The following CRTC3 variants were observed in gnomAD, a reference collection of about 807,000 sequenced individuals.
CRTC3 encodes the protein CREB-regulated transcription coactivator 3.
CRTC3 carries 26 observed loss-of-function variants against 74.5 expected under a neutral mutation model. That is an observed-to-expected ratio of 0.35 (90% CI 0.26 to 0.48). The LOEUF is 0.48. Among genes scored for constraint, CRTC3 ranks in the 20% least tolerant of loss-of-function variants. The probability of loss-of-function intolerance (pLI) is 0.99; values close to 1 mark genes in which losing one functional copy is unlikely to be tolerated. For synonymous variants in CRTC3, 377 were observed against 325.8 expected, an observed-to-expected ratio of 1.16 and a Z score of -1.69; for missense variants, 760 against 787.3, an observed-to-expected ratio of 0.97 and a Z score of 0.41.
At chr15:90,535,712 GGAGA>G (rs929452803) in intron 1 of CRTC3, among the ~76,000 whole-genome samples, 3 of 152,158 alleles carry the variant, frequency 2.0e-5, no homozygotes, top group Non-Finnish European at 2.9e-5. Flanking sequence ...TCAGGATGGA[GGAGA>G]GAGAGAAGAT....
intron 2 of CRTC3, among the ~76,000 whole-genome samples, chr15:90,564,953 CCTTCCTTT>C (rs1429435627): frequency 6.1e-5 from 5 of 81,834 alleles, no homozygotes; most frequent in Non-Finnish European, 1.4e-4. Flanking sequence ...TTCCTTCCTT[CCTTCCTTT>C]CATGGAGTTT....
chr15:90,531,494 G>C (rs1297569574), intron 1 of CRTC3, among the ~76,000 whole-genome samples: 3 of 152,054 alleles, frequency 2.0e-5, no homozygotes, highest in Admixed American at 1.3e-4. Context: ...TGAAGTTAAG[G>C]AAAAAGTGAA....
chr15:90,530,384 C>G lies in CRTC3; in HGVS notation c.132+181C>G, dbSNP rs1170345090. 5.6e-6 allele frequency: 1 copy of G among 178,756 alleles called. No homozygotes were observed. The highest frequency in any genetic ancestry group is 1.9e-4 in the East Asian group (1 of 5,310). The allele number at this position is 178,756 out of a possible 1,614,324, so 11.1% of individuals were successfully genotyped here. The stretch of plus-strand genomic sequence containing the variant: ...TCGGCGTTTCCCCGCCTGGCGACAC[C>G]CGCTAGCCGTTCGCGATCCCGGGCT... On this transcript the variant is annotated intron_variant, in intron 1 of 14. Coordinates refer to ENST00000268184, the MANE Select transcript of CRTC3 (RefSeq NM_022769.5). The surrounding 1 kb of genome is among the most constrained non-coding windows in gnomAD (Gnocchi z 6.2).
intron 11 of CRTC3, among the ~76,000 whole-genome samples, chr15:90,633,130 A>G (rs969756267): frequency 4.6e-5 from 7 of 152,226 alleles, no homozygotes; most frequent in African/African-American, 7.2e-5. Flanking sequence ...TATAGTTACA[A>G]TGTAGTCAGA....
intron 2 of CRTC3, among the ~76,000 whole-genome samples, chr15:90,592,302 T>C (rs1404049949): frequency 6.6e-6 from 1 of 152,258 alleles, no homozygotes; most frequent in Non-Finnish European, 1.5e-5. Flanking sequence ...TTCATCATTT[T>C]GCTATGTATA....
intron 2 of CRTC3, among the ~76,000 whole-genome samples, chr15:90,590,212 G>C (rs1357856683): frequency 6.6e-6 from 1 of 151,932 alleles, no homozygotes; most frequent in Non-Finnish European, 1.5e-5. Context: ...GGAATTGCTT[G>C]AACCAAGGAA....
At chr15:90,577,611 AAT>A (rs1326293055) in intron 2 of CRTC3, among the ~76,000 whole-genome samples, 1 of 152,228 alleles carries the variant, frequency 6.6e-6, no homozygotes, top group African/African-American at 2.4e-5. Context: ...CACTATTTAC[AAT>A]ATGGAATCAA....
intron 2 of CRTC3, among the ~76,000 whole-genome samples, chr15:90,545,440 C>T (rs1966842553): frequency 6.7e-6 from 1 of 148,922 alleles, no homozygotes; most frequent in Non-Finnish European, 1.5e-5. Flanking sequence ...CGCTCTGTCG[C>T]CCAGGCTGGA....
chr15:90,582,048 T>C (rs1313456829), intron 2 of CRTC3, among the ~76,000 whole-genome samples: 1 of 152,216 alleles, frequency 6.6e-6, no homozygotes, highest in African/African-American at 2.4e-5. Context: ...GCCGGACTCC[T>C]GCCACTGCTC....
chr15:90,572,261 C>T (rs1452470023), intron 2 of CRTC3, among the ~76,000 whole-genome samples: 2 of 151,572 alleles, frequency 1.3e-5, no homozygotes, highest in African/African-American at 4.9e-5. Flanking sequence ...AGCAGCACAG[C>T]CATTTATGTA....
chr15:90,576,718 A>G (rs1967413342), intron 2 of CRTC3, among the ~76,000 whole-genome samples: 1 of 152,230 alleles, frequency 6.6e-6, no homozygotes, highest in South Asian at 2.1e-4. Context: ...TGTTTTCAAT[A>G]GAGCAAACTG....
rs945848704 is a variant in CRTC3, at chr15:90,593,628, C to T, written c.232-8C>T. 6.2e-7 allele frequency: 1 copy of T among 1,600,050 alleles called. No individual in the cohort carries two copies. Among genetic ancestry groups the T allele is most frequent in the Admixed American group, 1.7e-5 (1 of 59,764 alleles). On this transcript the variant is annotated splice_region_variant and splice_polypyrimidine_tract_variant and intron_variant, in intron 2 of 14. Transcript: ENST00000268184. Reference sequence around the variant, plus strand: ...TGGAGGCCAACTCTTCTTCCCTTCTCTCTGCAGCCGTCATTTCACCAAGCT... The same window carrying T: ...TGGAGGCCAACTCTTCTTCCCTTCTTTCTGCAGCCGTCATTTCACCAAGCT...
intron 8 of CRTC3, among the ~76,000 whole-genome samples, chr15:90,618,598 G>A: frequency 6.6e-6 from 1 of 152,184 alleles, no homozygotes; most frequent in East Asian, 1.9e-4. Context: ...AAAGAAAACA[G>A]TTAATCTGTT....
At chr15:90,640,848 G>T (rs1428673364) in intron 13 of CRTC3, among the ~76,000 whole-genome samples, 1 of 152,132 alleles carries the variant, frequency 6.6e-6, no homozygotes, top group African/African-American at 2.4e-5. Context: ...TCTTGGGATG[G>T]TGTAGTGGGC....
chr15:90,618,463 T>C (rs950979938), intron 8 of CRTC3, among the ~76,000 whole-genome samples: 1 of 152,216 alleles, frequency 6.6e-6, no homozygotes, highest in African/African-American at 2.4e-5. Context: ...TGAGAATTTG[T>C]ATCTAAAATT....
chr15:90,541,428 A>G (rs1216180181), intron 2 of CRTC3, among the ~76,000 whole-genome samples: 2 of 152,210 alleles, frequency 1.3e-5, no homozygotes, highest in Non-Finnish European at 2.9e-5. Flanking sequence ...GGTGATTAGA[A>G]AAAGTACTAC....
At chr15:90,634,912 T>G in intron 11 of CRTC3, 1 of 1,576,626 alleles carries the variant, frequency 6.3e-7, no homozygotes. Context: ...ATTCAACCAG[T>G]TAGCGTGAAA....
intron 2 of CRTC3, among the ~76,000 whole-genome samples, chr15:90,579,358 C>T (rs904332509): frequency 1.4e-4 from 21 of 152,246 alleles, no homozygotes; most frequent in East Asian, 7.7e-4. Flanking sequence ...GGACCGACAG[C>T]CTTGGGGAAG....
rs562380835 is a variant in CRTC3 at position 90,636,060 on chromosome 15, A to T, written c.1267-2386A>T. Among the ~76,000 whole-genome samples the T allele has an allele frequency of 2.0e-5, 3 of 152,350 alleles. No individual in the cohort carries two copies. In the East Asian group the frequency reaches 5.8e-4, roughly 29 times the overall value. On this transcript the variant is annotated intron_variant, in intron 11 of 14. Transcript: ENST00000268184. Reference sequence around the variant, plus strand: ...TCACAGAATTGGAAAAAACTACTTTAAAGTTCATATGGAACCGAAAAAGAG... The same window carrying T: ...TCACAGAATTGGAAAAAACTACTTTTAAGTTCATATGGAACCGAAAAAGAG...
Sources: allele counts gnomAD v4.1 joint callset (sites outside exome capture counted in the v4.1 genomes callset), GRCh38; gene constraint gnomAD v4.1.1; non-coding constraint Gnocchi (gnomAD v3.1); transcripts MANE v1.5; gene names NCBI Gene and HGNC (gene_info 2026-07-23, HGNC 2026-07-21).